DGKI: variants seen among roughly 807,000 people sequenced by gnomAD.
DGKI encodes DAG kinase iota.
Under a neutral mutation model 147.5 loss-of-function variants are expected in DGKI, and 55 were observed. The ratio of observed to expected loss-of-function variants is 0.37; its 90% CI spans 0.30 to 0.47. DGKI has a LOEUF of 0.47. Among genes scored for constraint, DGKI ranks in the 20% least tolerant of loss-of-function variants. DGKI has a pLI of 1.00. For synonymous variants in DGKI, 469 were observed against 477.1 expected, an observed-to-expected ratio of 0.98 and a Z score of 0.22; for missense variants, 1,007 against 1,323.8, an observed-to-expected ratio of 0.76 and a Z score of 3.71.
At chr7:137,746,668 G>T (rs1456524174) in intron 1 of DGKI, among the ~76,000 whole-genome samples, 3 of 152,152 alleles carry the variant, frequency 2.0e-5, no homozygotes, top group African/African-American at 7.2e-5. Flanking sequence ...GCAGGGAAAA[G>T]ATGGAACCGA....
chr7:137,807,240 T>C (rs568036378), intron 1 of DGKI, among the ~76,000 whole-genome samples: 122 of 152,350 alleles, frequency 8.0e-4, no homozygotes, highest in Admixed American at 1.4e-3. Flanking sequence ...GACTTTTTAA[T>C]ATAAGGCATT....
intron 20 of DGKI, among the ~76,000 whole-genome samples, chr7:137,550,167 G>GTT (rs71533756): frequency 0.024 from 3,315 of 137,946 alleles, 129 homozygotes; most frequent in African/African-American, 0.08. Context: ...TGTTGTTTGA[G>GTT]TTTTTTTTTT....
intron 21 of DGKI, 88 bp downstream of exon 21, chr7:137,521,778 A>G: frequency 1.1e-6 from 1 of 919,386 alleles, no homozygotes. Flanking sequence ...AGGCACAAGG[A>G]TAAATGAATC....
At chr7:137,836,569 T>G (rs1459093616) in intron 1 of DGKI, among the ~76,000 whole-genome samples, 1 of 152,178 alleles carries the variant, frequency 6.6e-6, no homozygotes. Context: ...TACCATCACC[T>G]CCCTTCAAGT....
intron 8 of DGKI, among the ~76,000 whole-genome samples, chr7:137,610,618 A>G (rs563346233): frequency 1.3e-5 from 2 of 152,364 alleles, no homozygotes; most frequent in South Asian, 4.1e-4. Flanking sequence ...CAAGAAACAC[A>G]GAATTCTTAA....
At chr7:137,845,977 G>A (rs1317860390) in intron 1 of DGKI, among the ~76,000 whole-genome samples, 1 of 152,132 alleles carries the variant, frequency 6.6e-6, no homozygotes, top group African/African-American at 2.4e-5. Context: ...CTGTCGGAGT[G>A]ATCTCAGCTG....
intron 1 of DGKI, chr7:137,722,524 G>C: frequency 6.2e-7 from 1 of 1,609,158 alleles, no homozygotes; most frequent in Admixed American, 1.7e-5. Flanking sequence ...TGGACCTCTG[G>C]TCCTCAATCG....
At chr7:137,752,820 A>G (rs1251667842) in intron 1 of DGKI, among the ~76,000 whole-genome samples, 2 of 152,140 alleles carry the variant, frequency 1.3e-5, no homozygotes, top group African/African-American at 4.8e-5. Flanking sequence ...CCGGCCGAAT[A>G]AAGCCCTTCC....
rs910805179 is a variant in DGKI at position 137,619,258 on chromosome 7, G to A, written c.993+566C>T. On this transcript the variant is annotated intron_variant, in intron 8 of 32. Transcript: ENST00000614521. ...CTGAGGTGGATACTCACAAGGACAGGAAGTGCACTGGGGAGAACACAGAAT... is the reference window on the plus strand; with the variant it reads ...CTGAGGTGGATACTCACAAGGACAGAAAGTGCACTGGGGAGAACACAGAAT... Among the ~76,000 whole-genome samples, 7 of 152,304 alleles carry A rather than the reference G, an allele frequency of 4.6e-5. No individual in the cohort carries two copies. In the East Asian group the frequency reaches 9.6e-4, roughly 21 times the overall value.
chr7:137,391,904 A>G (rs1185030272), intron 32 of DGKI, among the ~76,000 whole-genome samples: 2 of 152,168 alleles, frequency 1.3e-5, no homozygotes. Context: ...TAGTTTCTCA[A>G]TACAAAAGTG....
intron 7 of DGKI, among the ~76,000 whole-genome samples, chr7:137,622,191 A>G (rs1297722754): frequency 6.6e-6 from 1 of 151,890 alleles, no homozygotes; most frequent in Non-Finnish European, 1.5e-5. Flanking sequence ...TCTGACATGT[A>G]GGAGGCTAGA....
intron 20 of DGKI, among the ~76,000 whole-genome samples, chr7:137,529,930 CT>C (rs1204748351): frequency 6.6e-6 from 1 of 152,084 alleles, no homozygotes; most frequent in Non-Finnish European, 1.5e-5. Context: ...TGTATTTTAA[CT>C]AGAGATGGGG....
chr7:137,394,199 G>A (rs1339935257), intron 32 of DGKI, among the ~76,000 whole-genome samples: 3 of 152,076 alleles, frequency 2.0e-5, no homozygotes, highest in Non-Finnish European at 4.4e-5. Flanking sequence ...CCCACAGCCC[G>A]CAAGCCATAT....
At chr7:137,672,264 G>T (rs947755672) in intron 3 of DGKI, among the ~76,000 whole-genome samples, 41 of 152,150 alleles carry the variant, frequency 2.7e-4, no homozygotes, top group Non-Finnish European at 5.9e-4. Flanking sequence ...ACTATATTAG[G>T]TTCCTAGCAC....
intron 1 of DGKI, chr7:137,722,925 A>G (rs1794612271): frequency 1.6e-6 from 1 of 637,264 alleles, no homozygotes; most frequent in South Asian, 2.1e-5. Context: ...TGAGTGGTGA[A>G]GTGCACAGGC....
At chr7:137,559,095 G>A (rs1315977067) in intron 19 of DGKI, among the ~76,000 whole-genome samples, 3 of 91,086 alleles carry the variant, frequency 3.3e-5, no homozygotes, top group East Asian at 3.1e-4. Context: ...TTTTTGAGAC[G>A]GAGTCTCGCT....
chr7:137,462,496 G>A (rs776107237), intron 27 of DGKI, among the ~76,000 whole-genome samples: 2 of 152,174 alleles, frequency 1.3e-5, no homozygotes, highest in East Asian at 1.9e-4. Context: ...TGTGTGCCTC[G>A]AAACTTTGCC....
intron 10 of DGKI, among the ~76,000 whole-genome samples, chr7:137,601,624 G>T (rs1475340283): frequency 6.6e-6 from 1 of 152,210 alleles, no homozygotes; most frequent in East Asian, 1.9e-4. Context: ...ACCTTCCAGG[G>T]TGAGTATGAG....
rs1811308960 is a variant in DGKI, at chr7:137,390,186, T to G, written c.*1034A>C. On this transcript the variant is annotated 3_prime_UTR_variant, in exon 33 of 33. Coordinates refer to ENST00000614521, the MANE Select transcript of DGKI (RefSeq NM_001321708.2). ...GTTGCTACTTTTGCTTTTGCTGTTT[T>G]TTTTTTCCAAGTCAATTAGGGTGCT... 1 of 152,198 alleles carries G rather than the reference T, an allele frequency of 6.6e-6. No individual in the cohort carries two copies. The highest frequency in any genetic ancestry group is 1.5e-5 in the Non-Finnish European group (1 of 68,026). The allele number at this position is 152,198 out of a possible 1,614,324, so 9.4% of individuals were successfully genotyped here.
Sources: allele counts gnomAD v4.1 joint callset (sites outside exome capture counted in the v4.1 genomes callset), GRCh38; gene constraint gnomAD v4.1.1; transcripts MANE v1.5; gene names NCBI Gene and HGNC (gene_info 2026-07-23, HGNC 2026-07-21).